PKNOX2: variants seen among roughly 807,000 people sequenced by gnomAD.
The protein encoded by PKNOX2 is homeobox protein PKNOX2.
A neutral mutation model predicts 53.1 loss-of-function variants in PKNOX2; 14 were observed. The observed-to-expected ratio is 0.26, with a 90% CI of 0.17 to 0.41. The LOEUF (loss-of-function observed/expected upper bound fraction) is 0.41. Among genes scored for constraint, PKNOX2 ranks in the 10% least tolerant of loss-of-function variants. The probability of loss-of-function intolerance (pLI) is 1.00; values close to 1 mark genes in which losing one functional copy is unlikely to be tolerated. For missense variants in PKNOX2, 496 were observed against 602.8 expected, an observed-to-expected ratio of 0.82 and a Z score of 1.85; for synonymous variants, 257 against 242.8, an observed-to-expected ratio of 1.06 and a Z score of -0.54.
At chr11:125,385,032 A>T (rs904767421) in intron 5 of PKNOX2, among the ~76,000 whole-genome samples, 1 of 152,202 alleles carries the variant, frequency 6.6e-6, no homozygotes, top group African/African-American at 2.4e-5. Flanking sequence ...TCTGCCCACC[A>T]CGTGTGGATG....
intron 2 of PKNOX2, among the ~76,000 whole-genome samples, chr11:125,244,130 C>T (rs1943380283): frequency 6.6e-6 from 1 of 152,246 alleles, no homozygotes; most frequent in Non-Finnish European, 1.5e-5. Flanking sequence ...GAAGAAGAAG[C>T]TGCAGAGAGA....
At chr11:125,420,923 G>T (rs75595372) in intron 10 of PKNOX2, among the ~76,000 whole-genome samples, 2,163 of 152,258 alleles carry the variant, frequency 0.014, 56 homozygotes, top group African/African-American at 0.049. Flanking sequence ...GCAGAGAGCA[G>T]TCTCTCGCCT....
In PKNOX2 at chr11:125,272,836, C is replaced by T. The variant is rs1052540524; in HGVS notation, c.-130+37721C>T. Among the ~76,000 whole-genome samples, 5 of 152,132 alleles carry T rather than the reference C, an allele frequency of 3.3e-5. No homozygotes were observed. The South Asian group carries it at 6.2e-4, about 19-fold the overall frequency. On this transcript the variant is annotated intron_variant, in intron 2 of 12. Coordinates refer to ENST00000298282, the MANE Select transcript of PKNOX2 (RefSeq NM_001382323.2). The stretch of plus-strand genomic sequence containing the variant: ...CTTTTTTGAAGCTGTTTTCCAGAAG[C>T]GAGAGAATTGACTTCTCCGCCTGCC...
intron 1 of PKNOX2, among the ~76,000 whole-genome samples, chr11:125,194,017 C>T (rs1274083954): frequency 2.0e-5 from 3 of 152,204 alleles, no homozygotes; most frequent in Non-Finnish European, 4.4e-5. Flanking sequence ...TGGTTGGGAG[C>T]TATTCCAAGC....
intron 2 of PKNOX2, among the ~76,000 whole-genome samples, chr11:125,307,495 T>A (rs1435753466): frequency 1.3e-5 from 2 of 151,672 alleles, no homozygotes; most frequent in African/African-American, 4.8e-5. Context: ...GAGGTAGAGG[T>A]TGCAGTGAGC....
chr11:125,317,446 A>G (rs966555671), intron 2 of PKNOX2, among the ~76,000 whole-genome samples: 1 of 152,238 alleles, frequency 6.6e-6, no homozygotes, highest in Non-Finnish European at 1.5e-5. Flanking sequence ...ACTCTTAAAT[A>G]ATAAGACATG....
chr11:125,357,073 G>T (rs1434052913), intron 4 of PKNOX2, among the ~76,000 whole-genome samples: 4 of 152,212 alleles, frequency 2.6e-5, no homozygotes, highest in Non-Finnish European at 5.9e-5. Flanking sequence ...GTGATTGATG[G>T]CTCCCTCTGC....
rs139601830 is a variant in PKNOX2, at chr11:125,417,447, G to A, written c.936+5582G>A. On this transcript the variant is annotated intron_variant, in intron 10 of 12. Coordinates refer to ENST00000298282, the MANE Select transcript of PKNOX2 (RefSeq NM_001382323.2). ...CGGGTTCTGCACTAAACACTGTAAC[G>A]CATCATCTCATTTAACCCACACAAC... 3.6e-4 allele frequency among the ~76,000 whole-genome samples: 54 copies of A among 152,056 alleles called. 2 individuals carry two copies. The highest frequency in any genetic ancestry group is 9.4e-4 in the African/African-American group (39 of 41,346).
chr11:125,279,826 A>G (rs139643302), intron 2 of PKNOX2, among the ~76,000 whole-genome samples: 126 of 152,324 alleles, frequency 8.3e-4, no homozygotes, highest in African/African-American at 2.9e-3. Context: ...CATCAAATTA[A>G]GCAAAATTAA....
intron 2 of PKNOX2, among the ~76,000 whole-genome samples, chr11:125,268,890 G>A (rs1297869165): frequency 6.7e-6 from 1 of 149,508 alleles, no homozygotes; most frequent in Non-Finnish European, 1.5e-5. Context: ...AGTCATTCTG[G>A]CGCCAGCAGC....
intron 6 of PKNOX2, among the ~76,000 whole-genome samples, chr11:125,390,757 G>A (rs937283189): frequency 7.9e-5 from 12 of 152,162 alleles, no homozygotes; most frequent in South Asian, 2.1e-4. Context: ...CTCCTTCCTC[G>A]GTACCACTTC....
chr11:125,418,402 T>C (rs1167840883), intron 10 of PKNOX2, among the ~76,000 whole-genome samples: 2 of 152,088 alleles, frequency 1.3e-5, no homozygotes, highest in African/African-American at 2.4e-5. Flanking sequence ...CCTGCTGCCA[T>C]GACGGGTATA....
At chr11:125,341,790 C>T (rs7952082) in intron 3 of PKNOX2, among the ~76,000 whole-genome samples, 9,354 of 152,324 alleles carry the variant, frequency 0.061, 860 homozygotes, top group African/African-American at 0.2. Flanking sequence ...GGTTGGGCGA[C>T]GGAGGGAGTA....
At chr11:125,265,905 C>A (rs549200008) in intron 2 of PKNOX2, among the ~76,000 whole-genome samples, 4 of 152,268 alleles carry the variant, frequency 2.6e-5, no homozygotes, top group Admixed American at 2.0e-4. Context: ...CATTCCGCAA[C>A]CCTCAAACTT....
chr11:125,251,036 G>A (rs1178760406), intron 2 of PKNOX2, among the ~76,000 whole-genome samples: 2 of 152,206 alleles, frequency 1.3e-5, no homozygotes, highest in Admixed American at 1.3e-4. Context: ...CAGGCTCTGG[G>A]CTGCGGGCGC....
chr11:125,188,615 A>G (rs1956597437), intron 1 of PKNOX2, among the ~76,000 whole-genome samples: 1 of 152,182 alleles, frequency 6.6e-6, no homozygotes, highest in Non-Finnish European at 1.5e-5. Flanking sequence ...CAGCTCAAGG[A>G]GAGCTTCTGG....
intron 1 of PKNOX2, among the ~76,000 whole-genome samples, chr11:125,217,618 C>A (rs955089923): frequency 1.1e-4 from 16 of 152,166 alleles, no homozygotes; most frequent in Admixed American, 9.8e-4. Flanking sequence ...GTGATTGCCC[C>A]ATGAATATAT....
At chr11:125,304,410 G>T (rs1386955663) in intron 2 of PKNOX2, among the ~76,000 whole-genome samples, 1 of 152,246 alleles carries the variant, frequency 6.6e-6, no homozygotes, top group Non-Finnish European at 1.5e-5. Context: ...GGAACATATG[G>T]CAGAGGGGGT....
At chr11:125,313,815 G>T (rs908398133) in intron 2 of PKNOX2, among the ~76,000 whole-genome samples, 1 of 152,250 alleles carries the variant, frequency 6.6e-6, no homozygotes, top group Non-Finnish European at 1.5e-5. Context: ...CAAGTGCTCA[G>T]TAGCCACATG....
Sources: allele counts gnomAD v4.1 joint callset (sites outside exome capture counted in the v4.1 genomes callset), GRCh38; gene constraint gnomAD v4.1.1; transcripts MANE v1.5; gene names NCBI Gene and HGNC (gene_info 2026-07-23, HGNC 2026-07-21).